The following SRSF3 variants were observed in gnomAD, a reference collection of about 807,000 sequenced individuals.
SRSF3 encodes the protein serine and arginine rich splicing factor 3.
For missense variants in SRSF3, 58 were observed against 217.1 expected (o/e 0.27, Z 4.61); for synonymous variants, 87 against 73.6 (o/e 1.18, Z -0.93).
intron 2 of SRSF3, among the ~76,000 whole-genome samples, chr6:36,597,847 T>TA (rs1314082443): frequency 2.0e-5 from 3 of 151,580 alleles, no homozygotes; most frequent in Non-Finnish European, 4.4e-5. Flanking sequence ...TTTCTTTTTT[T>TA]AAAAAAATGT....
chr6:36,596,577 G>GGA (rs1778632452), intron 1 of SRSF3, among the ~76,000 whole-genome samples, 184 bp from the exon 2 acceptor site: 2 of 133,884 alleles, frequency 1.5e-5, no homozygotes, highest in African/African-American at 5.2e-5. Flanking sequence ...GGGGTGGCGG[G>GGA]GGGGGGGAAA....
intron 3 of SRSF3, 136 bp from the exon 4 acceptor site, chr6:36,601,016 T>TC: frequency 3.2e-6 from 1 of 316,356 alleles, no homozygotes; most frequent in African/African-American, 2.4e-5. Context: ...TTTTTTTTTT[T>TC]TTTTTTTTTT....
intron 3 of SRSF3, chr6:36,600,906 T>C (rs144024624): frequency 8.7e-4 from 356 of 407,278 alleles, no homozygotes; most frequent in Admixed American, 1.4e-3. Flanking sequence ...TGAAGCATTC[T>C]TTGTTAAAGT....
intron 3 of SRSF3, chr6:36,600,267 C>T: frequency 9.6e-7 from 1 of 1,041,452 alleles, no homozygotes; most frequent in Non-Finnish European, 1.2e-6. Context: ...CTTGTTGAAA[C>T]CCAAAACTAG....
At position 36,603,052 on chromosome 6, in the gene SRSF3, T is replaced by C; in HGVS notation, c.*1063T>C. On this transcript the variant is annotated 3_prime_UTR_variant, in exon 6 of 6. Transcript: ENST00000373715. ...TCTTCTGAAGTGAAGGAAATATAGA[T>C]GTCACCTAAGTGATAGTTAACCCAT... is the stretch of plus-strand genomic sequence containing the variant. 1 of 222,680 alleles carries C rather than the reference T, an allele frequency of 4.5e-6. No homozygotes were observed. Among genetic ancestry groups the C allele is most frequent in the Non-Finnish European group, 9.0e-6 (1 of 111,236 alleles). 13.8% of individuals were successfully genotyped at this position (222,680 alleles called of 1,614,324 possible).
rs1778729685 is a variant in SRSF3, at chr6:36,602,233, T to C, written c.*244T>C. 3 of 693,386 alleles carry C rather than the reference T, an allele frequency of 4.3e-6. No homozygotes were observed. Among genetic ancestry groups the C allele is most frequent in the East Asian group, 6.3e-5 (2 of 31,908 alleles). 43.0% of individuals were successfully genotyped at this position (693,386 alleles called of 1,614,324 possible). A position where few individuals can be genotyped will look rare whatever the true frequency, so the allele number is the denominator to read the frequency against. On this transcript the variant is annotated 3_prime_UTR_variant, in exon 6 of 6. Transcript: ENST00000373715. ...CTTTACAATGTTCCCTTAAGCAAAATTGAATTTGCTTTGAACTTTTAGTTA... is the reference window on the plus strand; with the variant it reads ...CTTTACAATGTTCCCTTAAGCAAAACTGAATTTGCTTTGAACTTTTAGTTA...
Position 36,601,184 on chromosome 6 carries a change from G to A in SRSF3, c.374G>A (p.Arg125Gln), listed in dbSNP as rs1313684807. 3 of 1,613,076 alleles carry A rather than the reference G, an allele frequency of 1.9e-6. No individual in the cohort carries two copies. The highest frequency in any genetic ancestry group is 3.3e-5 in the Admixed American group (2 of 59,906). Residue 125 changes from arginine to glutamine, a missense_variant, in exon 4 of 6, where the codon CGG becomes CAG. Coordinates refer to ENST00000373715, the MANE Select transcript of SRSF3 (RefSeq NM_003017.5). ...AGAAGGAGAAGCTTCTCTCGCAGCCGGAGCAGGTAAATGACTACCTTTTTT... is the reference window on the plus strand; with the variant it reads ...AGAAGGAGAAGCTTCTCTCGCAGCCAGAGCAGGTAAATGACTACCTTTTTT... ...SPRRRSFSRS[R>Q]SRSLSRDRRR...
At chr6:36,601,938 T>TTG (rs758892002) in intron 5 of SRSF3, 24 bp from the exon 6 acceptor site, 12 of 1,572,998 alleles carry the variant, frequency 7.6e-6, no homozygotes, top group East Asian at 6.8e-5. Flanking sequence ...ATGTTTTGTT[T>TTG]TCTTTTTTTT....
chr6:36,600,422 G>A, intron 3 of SRSF3: 2 of 361,896 alleles, frequency 5.5e-6, no homozygotes, highest in South Asian at 2.2e-4. Context: ...TTTTAAGGGT[G>A]ATAGGGAACT....
intron 2 of SRSF3, 27 bp from the exon 3 acceptor site, chr6:36,598,822 T>G: frequency 1.2e-6 from 2 of 1,607,508 alleles, no homozygotes; most frequent in Non-Finnish European, 1.7e-6. Flanking sequence ...TCAGGCTGTT[T>G]TAAGTTTAAT....
Position 36,602,277 on chromosome 6 carries a change from A to T in SRSF3, c.*288A>T. ...TTAGTTATGCACAGACTGATAATAAACCTCTAAACCTGCCCAGCGGAAGTG... is the reference window on the plus strand; with the variant it reads ...TTAGTTATGCACAGACTGATAATAATCCTCTAAACCTGCCCAGCGGAAGTG... On this transcript the variant is annotated 3_prime_UTR_variant, in exon 6 of 6. Coordinates refer to ENST00000373715, the MANE Select transcript of SRSF3 (RefSeq NM_003017.5). 1 of 400,162 alleles carries T rather than the reference A, an allele frequency of 2.5e-6. No homozygotes were observed. 24.8% of individuals were successfully genotyped at this position (400,162 alleles called of 1,614,324 possible).
intron 1 of SRSF3, among the ~76,000 whole-genome samples, chr6:36,594,954 A>G (rs1262110007): frequency 6.6e-6 from 1 of 152,168 alleles, no homozygotes; most frequent in Non-Finnish European, 1.5e-5. Flanking sequence ...TCTAAGACCG[A>G]AAGATCTTCC....
intron 1 of SRSF3, among the ~76,000 whole-genome samples, chr6:36,595,391 A>G (rs143840457): frequency 1.7e-3 from 260 of 152,294 alleles, no homozygotes; most frequent in African/African-American, 5.9e-3. Flanking sequence ...TTTAAGTGGT[A>G]TTTAGTATAT....
chr6:36,598,200 A>G (rs1253706327), intron 2 of SRSF3, among the ~76,000 whole-genome samples: 1 of 152,230 alleles, frequency 6.6e-6, no homozygotes, highest in Non-Finnish European at 1.5e-5. Context: ...TTGTTTTTCA[A>G]GGATAAATGG....
At chr6:36,600,204 T>A in intron 3 of SRSF3, 6 of 1,058,066 alleles carry the variant, frequency 5.7e-6, no homozygotes, top group Non-Finnish European at 6.9e-6. Flanking sequence ...CAAAACCTTT[T>A]CAGCAAATTC....
intron 4 of SRSF3, 38 bp from the exon 5 acceptor site, chr6:36,601,670 C>G (rs1219596588): frequency 1.3e-6 from 2 of 1,506,116 alleles, no homozygotes; most frequent in East Asian, 4.6e-5. Flanking sequence ...ATAATTTTAT[C>G]ATACCTCATT....
chr6:36,602,078 A>G lies in SRSF3; in HGVS notation c.*89A>G. On this transcript the variant is annotated 3_prime_UTR_variant, in exon 6 of 6. Transcript: ENST00000373715. ...AAATTCAAGTTTTGTTTGAGACTTC[A>G]TAAGCTTGGTGCATTTTTAAGATGT... is the stretch of plus-strand genomic sequence containing the variant. The G allele has an allele frequency of 6.5e-7, 1 of 1,549,884 alleles. No homozygotes were observed.
At chr6:36,599,219 C>G (rs184815700) in intron 3 of SRSF3, among the ~76,000 whole-genome samples, 8 of 152,250 alleles carry the variant, frequency 5.3e-5, no homozygotes, top group Non-Finnish European at 8.8e-5. Flanking sequence ...TCTTCTAGTT[C>G]ATCTTTCTAG....
At position 36,603,757 on chromosome 6, in the gene SRSF3, C is replaced by T. The variant is rs547981910; in HGVS notation, c.*1768C>T. 5.2e-5 allele frequency: 12 copies of T among 230,968 alleles called. No homozygotes were observed. Among genetic ancestry groups the T allele is most frequent in the Non-Finnish European group, 9.4e-5 (11 of 116,750 alleles). 14.3% of individuals were successfully genotyped at this position (230,968 alleles called of 1,614,324 possible). A position where few individuals can be genotyped will look rare whatever the true frequency, so the allele number is the denominator to read the frequency against. ...ACAACCTGTTCCTGTTAGGAACAAG[C>T]CAAGATAGCTAAGAAGTTACGGAAG... On this transcript the variant is annotated 3_prime_UTR_variant, in exon 6 of 6. Coordinates refer to ENST00000373715, the MANE Select transcript of SRSF3 (RefSeq NM_003017.5).
Sources: allele counts gnomAD v4.1 joint callset (sites outside exome capture counted in the v4.1 genomes callset), GRCh38; gene constraint gnomAD v4.1.1; transcripts MANE v1.5; gene names NCBI Gene and HGNC (gene_info 2026-07-23, HGNC 2026-07-21).